TARS2: variants seen among roughly 807,000 people sequenced by gnomAD.
TARS2 encodes the protein threonyl-tRNA synthetase 2, mitochondrial.
Under a neutral mutation model 94.4 loss-of-function variants are expected in TARS2, and 61 were observed. That is an observed-to-expected ratio of 0.65 (90% CI 0.53 to 0.80). The LOEUF (loss-of-function observed/expected upper bound fraction) is 0.80. Among genes scored for constraint, TARS2 ranks in the 30% least tolerant of loss-of-function variants. The probability of loss-of-function intolerance (pLI) is 0.00; values close to 1 mark genes in which losing one functional copy is unlikely to be tolerated. For synonymous variants in TARS2, 359 were observed against 353.4 expected (o/e 1.02, Z -0.18); for missense variants, 704 against 902.5 (o/e 0.78, Z 2.82).
chr1:150,503,563 G>A (rs1670023876), intron 13 of TARS2, among the ~76,000 whole-genome samples: 1 of 101,004 alleles, frequency 9.9e-6, no homozygotes, highest in African/African-American at 3.8e-5. Flanking sequence ...GTGTGTGTGT[G>A]TGTGTGTGTG....
chr1:150,494,277 G>A (rs1454608603), intron 7 of TARS2, among the ~76,000 whole-genome samples: 1 of 150,812 alleles, frequency 6.6e-6, no homozygotes, highest in Non-Finnish European at 1.5e-5. Context: ...TGAGGCAGGA[G>A]AGTCACTTGA....
chr1:150,500,355 C>T lies in TARS2; in HGVS notation c.1617+1062C>T, dbSNP rs7553846. Among the ~76,000 whole-genome samples the T allele has an allele frequency of 9.0e-3, 1,332 of 147,304 alleles. 12 individuals are homozygous for T. The highest frequency in any genetic ancestry group is 0.016 in the Middle Eastern group (4 of 248). The stretch of plus-strand genomic sequence containing the variant: ...CTGTAATCCCAGCACTTTGGGAGGC[C>T]GACGTGGGTGGATCACTTGAGGTCA... On this transcript the variant is annotated intron_variant, in intron 13 of 17. Transcript: ENST00000369064.
intron 13 of TARS2, 30 bp from the exon 14 acceptor site, chr1:150,504,305 A>G: frequency 6.2e-7 from 1 of 1,610,574 alleles, no homozygotes. Flanking sequence ...CTTCTGGCTT[A>G]TCTCGTGCCT....
intron 17 of TARS2, among the ~76,000 whole-genome samples, chr1:150,506,574 G>GACACACACAC (rs59687878): frequency 1.8e-5 from 2 of 109,158 alleles, no homozygotes; most frequent in South Asian, 3.1e-4. Flanking sequence ...TAATGTCTCT[G>GACACACACAC]ACACACACAC....
intron 7 of TARS2, among the ~76,000 whole-genome samples, chr1:150,495,766 C>T (rs1669635674): frequency 6.6e-6 from 1 of 151,688 alleles, no homozygotes; most frequent in South Asian, 2.1e-4. Context: ...GTCGCCCAGG[C>T]TGGAGTGCAG....
rs1180611628 is a variant in TARS2 at position 150,503,585 on chromosome 1, A to ATGTGTGTGTG, written c.1618-742_1618-733dup. ...TGTGTGTGTGTGTGTGTGTATATAT[A>ATGTGTGTGTG]TGTGTGTGTGTGTGTGTATGTGTGT... On this transcript the variant is annotated intron_variant, in intron 13 of 17. Transcript: ENST00000369064. 3.1e-4 allele frequency among the ~76,000 whole-genome samples: 43 copies of ATGTGTGTGTG among 137,172 alleles called. 1 individual carries two copies. Among genetic ancestry groups the ATGTGTGTGTG allele is most frequent in the Admixed American group, 1.0e-3 (14 of 13,890 alleles). 90.0% of individuals were successfully genotyped at this position (137,172 alleles called of 152,430 possible). A position where few individuals can be genotyped will look rare whatever the true frequency, so the allele number is the denominator to read the frequency against.
intron 13 of TARS2, among the ~76,000 whole-genome samples, chr1:150,503,793 C>T (rs1332531487): frequency 6.6e-6 from 1 of 150,714 alleles, no homozygotes; most frequent in African/African-American, 2.4e-5. Context: ...GTCCCAGCTA[C>T]TCAGGAGGCT....
intron 7 of TARS2, 36 bp from the exon 8 acceptor site, chr1:150,496,446 C>G (rs1478520115): frequency 6.4e-7 from 1 of 1,569,048 alleles, no homozygotes; most frequent in East Asian, 2.3e-5. Flanking sequence ...GCCTTCAGTC[C>G]TCATCTTTCC....
intron 13 of TARS2, among the ~76,000 whole-genome samples, chr1:150,501,251 G>T (rs1166029723): frequency 6.7e-6 from 1 of 149,812 alleles, no homozygotes; most frequent in Non-Finnish European, 1.5e-5. Context: ...TACCAGCCTG[G>T]GCAACATAGT....
intron 4 of TARS2, among the ~76,000 whole-genome samples, chr1:150,491,173 T>C (rs1450431093): frequency 6.6e-6 from 1 of 152,232 alleles, no homozygotes; most frequent in South Asian, 2.1e-4. Flanking sequence ...CTATCCAGAT[T>C]TCCTGCATTC....
chr1:150,488,722 C>T, intron 2 of TARS2: 1 of 387,902 alleles, frequency 2.6e-6, no homozygotes. Context: ...CTGTATTCAC[C>T]CAACTCTGCT....
At chr1:150,495,953 C>T (rs1570848371) in intron 7 of TARS2, among the ~76,000 whole-genome samples, 1 of 151,166 alleles carries the variant, frequency 6.6e-6, no homozygotes, top group Non-Finnish European at 1.5e-5. Flanking sequence ...ATCTCCTGAC[C>T]TCGTGATCCG....
chr1:150,499,563 G>A (rs376235714), intron 13 of TARS2, among the ~76,000 whole-genome samples: 14 of 151,910 alleles, frequency 9.2e-5, no homozygotes, highest in African/African-American at 2.4e-4. Context: ...ATGGGGTTTC[G>A]CCATGTTGGC....
At position 150,492,482 on chromosome 1, in the gene TARS2, T is replaced by G; in HGVS notation, c.767T>G (p.Leu256Arg). Reference sequence around the variant, plus strand: ...ACTGGACAGATTGGAGGACTGAAGCTGCTATCGGTCAGTTGTGGGACAGAG... The same window carrying G: ...ACTGGACAGATTGGAGGACTGAAGCGGCTATCGGTCAGTTGTGGGACAGAG... Reference protein sequence around the residue: ...RHTGQIGGLKLLSNSSSLWRS... With the variant: ...RHTGQIGGLKRLSNSSSLWRS... The change falls in exon 7 of 18, where the codon CTG (leucine) becomes CGG (arginine). Residue 256 changes from leucine to arginine, a missense_variant. Leu to Arg is a moderately radical substitution (Grantham distance 102, BLOSUM62 -2). Around this residue, in one of 3 missense-constraint regions of TARS2, gnomAD observed 466 missense variants for 609.5 expected, o/e 0.76. Coordinates refer to ENST00000369064, the MANE Select transcript of TARS2 (RefSeq NM_025150.5). 6.2e-7 allele frequency: 1 copy of G among 1,613,758 alleles called. No individual in the cohort carries two copies. The highest frequency in any genetic ancestry group is 8.5e-7 in the Non-Finnish European group (1 of 1,179,870).
At chr1:150,490,768 T>G in intron 4 of TARS2, 43 bp downstream of exon 4, 1 of 1,611,296 alleles carries the variant, frequency 6.2e-7, no homozygotes, top group Non-Finnish European at 8.5e-7. Flanking sequence ...TGGGATGGTT[T>G]CTGAGGCTCT....
intron 17 of TARS2, among the ~76,000 whole-genome samples, chr1:150,506,024 T>TG (rs1376069552): frequency 1.3e-5 from 2 of 152,080 alleles, no homozygotes; most frequent in African/African-American, 4.8e-5. Context: ...TAATTACCCT[T>TG]GTTTATTTTA....
At position 150,492,447 on chromosome 1, in the gene TARS2, C is replaced by A; in HGVS notation, c.732C>A (p.His244Gln). The change falls in exon 7 of 18, where the codon CAC becomes CAA. Residue 244 changes from histidine (H) to glutamine (Q), a missense_variant. Physicochemically the swap from His to Gln is conservative, Grantham distance 24. Transcript: ENST00000369064. ...GTLVDLCQGP[H>Q]LRHTGQIGGL... ...TGGTTGACCTTTGCCAGGGCCCCCACCTTCGGCATACTGGACAGATTGGAG... is the reference window on the plus strand; with the variant it reads ...TGGTTGACCTTTGCCAGGGCCCCCAACTTCGGCATACTGGACAGATTGGAG... 6.2e-7 allele frequency: 1 copy of A among 1,613,982 alleles called. No homozygotes were observed. The highest frequency in any genetic ancestry group is 8.5e-7 in the Non-Finnish European group (1 of 1,179,948).
At chr1:150,503,930 C>T (rs10888584) in intron 13 of TARS2, among the ~76,000 whole-genome samples, 4 of 149,020 alleles carry the variant, frequency 2.7e-5, no homozygotes, top group Admixed American at 6.7e-5. Context: ...AGGAATAATT[C>T]TCAGAGCTGG....
intron 16 of TARS2, among the ~76,000 whole-genome samples, chr1:150,505,333 G>A (rs1258501087): frequency 1.3e-5 from 2 of 152,192 alleles, no homozygotes; most frequent in Non-Finnish European, 2.9e-5. Flanking sequence ...GGGTAGAGCA[G>A]TGGCTAGAAG....
Sources: gnomAD v4.1 joint callset for allele counts (sites outside exome capture counted in the v4.1 genomes callset) on GRCh38, gnomAD v4.1.1 for gene constraint, gnomAD v4.1.1 regional missense constraint, MANE v1.5 for transcripts, NCBI Gene and HGNC (gene_info 2026-07-23, HGNC 2026-07-21) for gene names.